BMPR1B: variants seen among roughly 807,000 people sequenced by gnomAD.
BMPR1B encodes the protein bone morphogenetic protein receptor type 1B.
A neutral mutation model predicts 59.1 loss-of-function variants in BMPR1B; 12 were observed. The ratio of observed to expected loss-of-function variants is 0.20; its 90% CI spans 0.13 to 0.33. The LOEUF is 0.33. Ranked by LOEUF, BMPR1B falls within the 10% of genes least tolerant of loss-of-function variation. The pLI, the probability that BMPR1B is intolerant of heterozygous loss-of-function variation, is 1.00. For missense variants in BMPR1B, 550 were observed against 610.9 expected (o/e 0.90, Z 1.05); for synonymous variants, 237 against 207.3 (o/e 1.14, Z -1.23).
intron 1 of BMPR1B, among the ~76,000 whole-genome samples, chr4:94,813,657 G>C (rs776596586): frequency 6.6e-6 from 1 of 152,186 alleles, no homozygotes; most frequent in African/African-American, 2.4e-5. Flanking sequence ...GTTGTAAAAG[G>C]ATAGGTTGAG....
At chr4:94,882,470 G>A (rs1450708790) in intron 2 of BMPR1B, among the ~76,000 whole-genome samples, 1 of 152,186 alleles carries the variant, frequency 6.6e-6, no homozygotes, top group African/African-American at 2.4e-5. Context: ...CACCTTTGGT[G>A]GTGGTGTTTG....
At chr4:94,848,034 T>A (rs1251118618) in intron 1 of BMPR1B, among the ~76,000 whole-genome samples, 1 of 152,118 alleles carries the variant, frequency 6.6e-6, no homozygotes, top group Non-Finnish European at 1.5e-5. Context: ...TTTCATGTAC[T>A]CCATAAATGT....
Position 95,054,566 on chromosome 4 carries a change from T to A in BMPR1B, c.-17-49842T>A, listed in dbSNP as rs1311791428. 4.6e-5 allele frequency among the ~76,000 whole-genome samples: 7 copies of A among 152,186 alleles called. No homozygotes were observed. In the East Asian group the frequency reaches 1.3e-3, roughly 29 times the overall value. ...GTGTTAATTTCTACTTGAAATGGAT[T>A]ATGTTTAGATTGAGCTACTTGTACT... On this transcript the variant is annotated intron_variant, in intron 3 of 12. Transcript: ENST00000515059.
intron 3 of BMPR1B, among the ~76,000 whole-genome samples, chr4:95,058,022 C>T (rs973802406): frequency 6.6e-6 from 1 of 152,074 alleles, no homozygotes; most frequent in Admixed American, 6.5e-5. Context: ...GGGATGTCAA[C>T]GTGGTGGCAG....
chr4:95,026,445 T>C (rs1253207583), intron 3 of BMPR1B, among the ~76,000 whole-genome samples: 1 of 152,090 alleles, frequency 6.6e-6, no homozygotes, highest in African/African-American at 2.4e-5. Flanking sequence ...CCGATTATTT[T>C]ATATTATACA....
chr4:95,070,382 G>C (rs141428739), intron 3 of BMPR1B, among the ~76,000 whole-genome samples: 1 of 152,144 alleles, frequency 6.6e-6, no homozygotes, highest in East Asian at 1.9e-4. Flanking sequence ...AGAAGACTCA[G>C]GTTTTTCACT....
intron 1 of BMPR1B, among the ~76,000 whole-genome samples, chr4:94,845,290 C>T (rs1221105221): frequency 6.6e-6 from 1 of 151,138 alleles, no homozygotes; most frequent in Non-Finnish European, 1.5e-5. Context: ...TAAGGCAGTT[C>T]AGAATAAATG....
At chr4:94,781,049 A>G (rs1021022754) in intron 1 of BMPR1B, among the ~76,000 whole-genome samples, 9 of 152,198 alleles carry the variant, frequency 5.9e-5, no homozygotes, top group Non-Finnish European at 8.8e-5. Context: ...TCATTGTGGC[A>G]TTGATTTGCA....
rs1310923974 is a variant in BMPR1B at position 94,781,224 on chromosome 4, T to A, written c.-183+23156T>A. 6.6e-5 allele frequency among the ~76,000 whole-genome samples: 10 copies of A among 152,274 alleles called. No homozygotes were observed. In the South Asian group the frequency reaches 1.9e-3, roughly 28 times the overall value. ...AAGTGTTCTTTAGGTTTTCTAAATA[T>A]ATGTCTCATAACAGATATATGATTT... is the stretch of plus-strand genomic sequence containing the variant. On this transcript the variant is annotated intron_variant, in intron 1 of 12. Coordinates refer to ENST00000515059, the MANE Select transcript of BMPR1B (RefSeq NM_001203.3).
intron 3 of BMPR1B, among the ~76,000 whole-genome samples, chr4:95,087,533 C>A (rs1270230709): frequency 6.6e-6 from 1 of 152,026 alleles, no homozygotes; most frequent in Non-Finnish European, 1.5e-5. Flanking sequence ...GAGTTCAAGA[C>A]CTGCCTGGAC....
chr4:95,102,301 T>C (rs1730881349), intron 3 of BMPR1B, among the ~76,000 whole-genome samples: 1 of 152,238 alleles, frequency 6.6e-6, no homozygotes, highest in African/African-American at 2.4e-5. Context: ...CCATTTGGTG[T>C]CAGTGTTCCA....
At chr4:94,864,155 G>A (rs781409158) in intron 1 of BMPR1B, among the ~76,000 whole-genome samples, 6 of 152,088 alleles carry the variant, frequency 3.9e-5, no homozygotes, top group African/African-American at 7.2e-5. Flanking sequence ...AAAAATCAAG[G>A]GATATATACG....
intron 1 of BMPR1B, among the ~76,000 whole-genome samples, chr4:94,799,969 C>T (rs1335920965): frequency 6.6e-6 from 1 of 152,138 alleles, no homozygotes; most frequent in Non-Finnish European, 1.5e-5. Flanking sequence ...AGGTTACAGG[C>T]ATGAGCCACT....
At chr4:94,765,657 A>G (rs1478112323) in intron 1 of BMPR1B, among the ~76,000 whole-genome samples, 1 of 152,132 alleles carries the variant, frequency 6.6e-6, no homozygotes, top group Non-Finnish European at 1.5e-5. Context: ...TTTGAGGTCT[A>G]ACATAACTGT....
At chr4:94,824,501 GTA>G (rs1724315162) in intron 1 of BMPR1B, among the ~76,000 whole-genome samples, 1 of 152,160 alleles carries the variant, frequency 6.6e-6, no homozygotes, top group Non-Finnish European at 1.5e-5. Context: ...CTAAGGTAGT[GTA>G]TCCTTATGCT....
chr4:95,019,371 A>G (rs998846106), intron 3 of BMPR1B, among the ~76,000 whole-genome samples: 1 of 152,220 alleles, frequency 6.6e-6, no homozygotes, highest in Non-Finnish European at 1.5e-5. Context: ...CAGGAAGTCA[A>G]AATAAATGGA....
At chr4:94,770,627 T>G (rs1172494888) in intron 1 of BMPR1B, among the ~76,000 whole-genome samples, 1 of 152,128 alleles carries the variant, frequency 6.6e-6, no homozygotes, top group Non-Finnish European at 1.5e-5. Context: ...ATTTCCTCTT[T>G]TACATCATTT....
At chr4:95,139,781 G>T (rs1054576459) in intron 10 of BMPR1B, among the ~76,000 whole-genome samples, 2 of 152,226 alleles carry the variant, frequency 1.3e-5, no homozygotes, top group African/African-American at 4.8e-5. Context: ...AAGACTGTTG[G>T]AAAAGTGCAG....
intron 2 of BMPR1B, among the ~76,000 whole-genome samples, chr4:94,934,406 C>T (rs566235430): frequency 7.4e-4 from 111 of 149,620 alleles, no homozygotes; most frequent in African/African-American, 2.4e-3. Context: ...CGCTGACTCA[C>T]GTGCATGTTT....
Sources: gnomAD v4.1 joint callset for allele counts (sites outside exome capture counted in the v4.1 genomes callset) on GRCh38, gnomAD v4.1.1 for gene constraint, MANE v1.5 for transcripts, NCBI Gene and HGNC (gene_info 2026-07-23, HGNC 2026-07-21) for gene names.